Variants in C1orf21 observed in about 807,000 individuals in gnomAD.
C1orf21 encodes the protein uncharacterized protein C1orf21.
Under a neutral mutation model 18.7 loss-of-function variants are expected in C1orf21, and 3 were observed. That is an observed-to-expected ratio of 0.16 (90% CI 0.07 to 0.42). The LOEUF (loss-of-function observed/expected upper bound fraction) is 0.42. Among genes scored for constraint, C1orf21 ranks in the 10% least tolerant of loss-of-function variants. The pLI is 0.99. For synonymous variants in C1orf21, 41 were observed against 46.4 expected (o/e 0.88, Z 0.47); for missense variants, 104 against 143.6 (o/e 0.72, Z 1.41).
At chr1:184,583,091 G>A (rs1659299677) in intron 3 of C1orf21, among the ~76,000 whole-genome samples, 1 of 152,108 alleles carries the variant, frequency 6.6e-6, no homozygotes, top group African/African-American at 2.4e-5. Context: ...CGCCCGCCTC[G>A]GCCTCCCAGA....
intron 5 of C1orf21, among the ~76,000 whole-genome samples, chr1:184,618,444 C>T (rs1187397384): frequency 6.6e-6 from 1 of 152,032 alleles, no homozygotes. Context: ...AAGATTAGCA[C>T]CCAGCCACGT....
chr1:184,493,723 C>T (rs1389900136), intron 2 of C1orf21, among the ~76,000 whole-genome samples: 4 of 152,124 alleles, frequency 2.6e-5, no homozygotes, highest in Non-Finnish European at 5.9e-5. Flanking sequence ...TTTTCATTAA[C>T]CTTTTAGTCT....
rs1012591265 is a variant in C1orf21 at position 184,387,902 on chromosome 1, A to T, written c.-125+534A>T. ...GTGGTTTGACCCCCGGGATTTCTGA[A>T]GTTTTGACCTTTTTGGGGTGGCTCG... On this transcript the variant is annotated intron_variant, in intron 1 of 5. Coordinates refer to ENST00000235307, the MANE Select transcript of C1orf21 (RefSeq NM_030806.4). The surrounding 1 kb of genome is among the most constrained non-coding windows in gnomAD (Gnocchi z 5.6). Among the ~76,000 whole-genome samples, 1 of 152,000 alleles carries T rather than the reference A, an allele frequency of 6.6e-6. No individual in the cohort carries two copies. Among genetic ancestry groups the T allele is most frequent in the Non-Finnish European group, 1.5e-5 (1 of 68,000 alleles).
chr1:184,544,353 C>G (rs1658698564), intron 3 of C1orf21, among the ~76,000 whole-genome samples: 1 of 152,120 alleles, frequency 6.6e-6, no homozygotes, highest in African/African-American at 2.4e-5. Flanking sequence ...GCACCTTTTC[C>G]TGTGCATTGC....
chr1:184,598,735 G>C (rs1001529472), intron 5 of C1orf21, among the ~76,000 whole-genome samples: 1 of 152,088 alleles, frequency 6.6e-6, no homozygotes, highest in Non-Finnish European at 1.5e-5. Flanking sequence ...TCTAGACCGA[G>C]CATTCTGACC....
intron 3 of C1orf21, among the ~76,000 whole-genome samples, chr1:184,556,338 C>T (rs1658879252): frequency 6.6e-6 from 1 of 152,192 alleles, no homozygotes; most frequent in Non-Finnish European, 1.5e-5. Context: ...TATCCAAAAA[C>T]CCATTCTTGC....
At chr1:184,581,470 A>G (rs976087974) in intron 3 of C1orf21, among the ~76,000 whole-genome samples, 3 of 151,882 alleles carry the variant, frequency 2.0e-5, no homozygotes, top group Admixed American at 6.6e-5. Context: ...ATTTTTTACT[A>G]TAGCATAACC....
rs537098544 is a variant in C1orf21 at position 184,499,825 on chromosome 1, C to T, written c.95-7763C>T. Reference sequence around the variant, plus strand: ...CATGATACTGGCCTCATAGGGTAGACATGAGGATTAAGTCAAAGCAGGGGA... The same window carrying T: ...CATGATACTGGCCTCATAGGGTAGATATGAGGATTAAGTCAAAGCAGGGGA... On this transcript the variant is annotated intron_variant, in intron 2 of 5. Transcript: ENST00000235307. Among the ~76,000 whole-genome samples, 74 of 152,230 alleles carry T rather than the reference C, an allele frequency of 4.9e-4. 1 individual carries two copies. The highest frequency in any genetic ancestry group is 3.4e-3 in the Middle Eastern group (1 of 294).
At chr1:184,395,304 T>G (rs558264780) in intron 1 of C1orf21, among the ~76,000 whole-genome samples, 1 of 152,302 alleles carries the variant, frequency 6.6e-6, no homozygotes, top group Non-Finnish European at 1.5e-5. Flanking sequence ...TCATTGATCC[T>G]GAGGCTCACA....
intron 1 of C1orf21, among the ~76,000 whole-genome samples, chr1:184,406,300 T>G (rs2101959559): frequency 6.6e-6 from 1 of 152,354 alleles, no homozygotes; most frequent in African/African-American, 2.4e-5. Flanking sequence ...TTAAATTATA[T>G]AACAACAATG....
At chr1:184,543,850 C>T (rs1454525176) in intron 3 of C1orf21, among the ~76,000 whole-genome samples, 1 of 152,142 alleles carries the variant, frequency 6.6e-6, no homozygotes, top group East Asian at 1.9e-4. Flanking sequence ...GAGTTCCAGT[C>T]TTCTTTATAG....
rs1013108113 is a variant in C1orf21 at position 184,406,910 on chromosome 1, C to T, written c.-125+19542C>T. Among the ~76,000 whole-genome samples, 8 of 152,200 alleles carry T rather than the reference C, an allele frequency of 5.3e-5. No homozygotes were observed. The East Asian group carries it at 5.8e-4, about 11-fold the overall frequency. On this transcript the variant is annotated intron_variant, in intron 1 of 5. Coordinates refer to ENST00000235307, the MANE Select transcript of C1orf21 (RefSeq NM_030806.4). ...CTGGGCTCAAGTGATCCTCTTGCCT[C>T]GGCCTACCAAAATGATGGGATTACA...
chr1:184,590,275 G>T (rs554812993), intron 3 of C1orf21, among the ~76,000 whole-genome samples: 4 of 152,156 alleles, frequency 2.6e-5, no homozygotes, highest in Non-Finnish European at 5.9e-5. Context: ...ATTTGTCGTG[G>T]GTTTTAGTCA....
intron 1 of C1orf21, among the ~76,000 whole-genome samples, chr1:184,430,981 C>A (rs976819114): frequency 6.6e-6 from 1 of 152,112 alleles, no homozygotes; most frequent in Non-Finnish European, 1.5e-5. Context: ...GTTTGTAGTT[C>A]TCCTTGAAGA....
At position 184,624,286 on chromosome 1, in the gene C1orf21, G is replaced by C. The variant is rs1460857489; in HGVS notation, c.*4730G>C. ...TTATTTGGCCTCCCCTATCTGAGCT[G>C]CACACACACCAGGGGAGGCCACTGG... On this transcript the variant is annotated 3_prime_UTR_variant, in exon 6 of 6. Coordinates refer to ENST00000235307, the MANE Select transcript of C1orf21 (RefSeq NM_030806.4). The C allele has an allele frequency of 1.3e-5, 2 of 152,532 alleles. No individual in the cohort carries two copies. The highest frequency in any genetic ancestry group is 2.9e-5 in the Non-Finnish European group (2 of 68,042). 9.4% of individuals were successfully genotyped at this position (152,532 alleles called of 1,614,324 possible). A position where few individuals can be genotyped will look rare whatever the true frequency, so the allele number is the denominator to read the frequency against.
chr1:184,443,301 C>A (rs937846137), intron 1 of C1orf21, among the ~76,000 whole-genome samples: 4 of 152,182 alleles, frequency 2.6e-5, no homozygotes, highest in Admixed American at 2.0e-4. Context: ...ACCCAACCTG[C>A]TTTTTGCTGT....
chr1:184,538,101 T>C (rs1316362897), intron 3 of C1orf21, among the ~76,000 whole-genome samples: 3 of 141,002 alleles, frequency 2.1e-5, no homozygotes, highest in African/African-American at 8.3e-5. Context: ...AGAATTCTAG[T>C]TACTCTGCAT....
At chr1:184,584,675 A>G (rs933871147) in intron 3 of C1orf21, among the ~76,000 whole-genome samples, 1 of 152,244 alleles carries the variant, frequency 6.6e-6, no homozygotes, top group Non-Finnish European at 1.5e-5. Flanking sequence ...ATCAATGTCC[A>G]TCAAGGGATG....
chr1:184,503,528 C>T (rs551021960), intron 2 of C1orf21, among the ~76,000 whole-genome samples: 7 of 152,218 alleles, frequency 4.6e-5, no homozygotes, highest in African/African-American at 7.2e-5. Context: ...ATCCCTGCAT[C>T]GCTTAGTACA....
Sources: gnomAD v4.1 joint callset for allele counts (sites outside exome capture counted in the v4.1 genomes callset) on GRCh38, gnomAD v4.1.1 for gene constraint, Gnocchi (gnomAD v3.1) non-coding constraint, MANE v1.5 for transcripts, NCBI Gene and HGNC (gene_info 2026-07-23, HGNC 2026-07-21) for gene names.